CATSPER4: variants seen among roughly 807,000 people sequenced by gnomAD.
The protein encoded by CATSPER4 is cation channel sperm-associated protein 4.
CATSPER4 carries 46 observed loss-of-function variants against 54.4 expected under a neutral mutation model. The observed-to-expected ratio is 0.84, with a 90% CI of 0.67 to 1.08. CATSPER4 has a LOEUF of 1.08. Among genes scored for constraint, CATSPER4 ranks in the 50% least tolerant of loss-of-function variants. The pLI is 0.00. For missense variants in CATSPER4, 574 were observed against 612.8 expected (o/e 0.94, Z 0.67); for synonymous variants, 230 against 231.9 (o/e 0.99, Z 0.08).
At chr1:26,192,407 T>C (rs2088880862) in intron 2 of CATSPER4, among the ~76,000 whole-genome samples, 1 of 151,972 alleles carries the variant, frequency 6.6e-6, no homozygotes, top group Non-Finnish European at 1.5e-5. Flanking sequence ...CTGGCCAACA[T>C]GGTGAAACCC....
rs201434041 is a variant in CATSPER4, at chr1:26,190,660, A to G, written c.33A>G (p.Gln11=). 43 of 1,608,112 alleles carry G rather than the reference A, an allele frequency of 2.7e-5. No homozygotes were observed. Among genetic ancestry groups the G allele is most frequent in the Non-Finnish European group, 3.4e-5 (40 of 1,179,856 alleles). The change falls in exon 1 of 10, where the codon CAA becomes CAG. Residue 11 remains glutamine, a synonymous_variant. Coordinates refer to ENST00000456354, the MANE Select transcript of CATSPER4 (RefSeq NM_198137.2). MRDNEKAWWQ[Q]WTSHTGLEGW... ...ATAATGAAAAGGCCTGGTGGCAGCA[A>G]TGGACCTCCCATACAGGCCTCGAGG...
In CATSPER4 at chr1:26,191,369, C is replaced by G. The variant is rs753943049; in HGVS notation, c.296C>G (p.Ala99Gly). The G allele has an allele frequency of 2.5e-6, 4 of 1,614,180 alleles. No homozygotes were observed. Among genetic ancestry groups the G allele is most frequent in the Non-Finnish European group, 3.4e-6 (4 of 1,180,014 alleles). Reference protein sequence around the residue: ...LRHPAFQLLLALLLVINAITI... With the variant: ...LRHPAFQLLLGLLLVINAITI... ...CACCCCGCCTTCCAACTGCTGCTGG[C>G]CCTGCTGCTGGTGATCAATGCCATC... The change falls in exon 2 of 10, where the codon GCC becomes GGC. Residue 99 changes from alanine (A) to glycine (G), a missense_variant. Ala to Gly is a moderately conservative substitution (Grantham distance 60). Transcript: ENST00000456354.
In CATSPER4 at chr1:26,190,856, G is replaced by A. The variant is rs964530317; in HGVS notation, c.213+16G>A. The A allele has an allele frequency of 5.7e-6, 9 of 1,586,056 alleles. No homozygotes were observed. Among genetic ancestry groups the A allele is most frequent in the African/African-American group, 1.3e-5 (1 of 74,438 alleles). On this transcript the variant is annotated intron_variant, in intron 1 of 9. Coordinates refer to ENST00000456354, the MANE Select transcript of CATSPER4 (RefSeq NM_198137.2). ...GAACAAAGCGGTAAGGATAGCTCTCGCCCCACAGTGGCCCCTTCTGCAGCT... is the reference window on the plus strand; with the variant it reads ...GAACAAAGCGGTAAGGATAGCTCTCACCCCACAGTGGCCCCTTCTGCAGCT...
Position 26,201,363 on chromosome 1 carries a change from G to T in CATSPER4, c.1209G>T (p.Glu403Asp). Residue 403 changes from glutamate to aspartate, a missense_variant, in exon 9 of 10, where the codon GAG becomes GAT. By Grantham distance (45) the Glu-to-Asp change is conservative. Coordinates refer to ENST00000456354, the MANE Select transcript of CATSPER4 (RefSeq NM_198137.2). ...EIRDELNMIVEEVRAIRFNQE... is the reference protein window; with the variant it reads ...EIRDELNMIVDEVRAIRFNQE... ...ACTGCTCCACCCCCAGGATTGTGGA[G>T]GAGGTGCGCGCAATCCGCTTCAACC... 6.2e-7 allele frequency: 1 copy of T among 1,614,070 alleles called. No homozygotes were observed. The highest frequency in any genetic ancestry group is 8.5e-7 in the Non-Finnish European group (1 of 1,180,004).
At chr1:26,201,148 G>C (rs553129973) in intron 8 of CATSPER4, 107 bp downstream of exon 8, 1 of 1,066,840 alleles carries the variant, frequency 9.4e-7, no homozygotes, top group Admixed American at 1.9e-5. Flanking sequence ...CAGAGCCTGG[G>C]CCCCACAGAG....
chr1:26,200,864 T>G lies in CATSPER4; in HGVS notation c.1022T>G (p.Leu341Arg). 1 of 1,614,114 alleles carries G rather than the reference T, an allele frequency of 6.2e-7. No individual in the cohort carries two copies. Among genetic ancestry groups the G allele is most frequent in the Non-Finnish European group, 8.5e-7 (1 of 1,179,968 alleles). ...GAEEEEENDQ[L>R]PLVHCVVARS... ...GAGGAAGAGGAGGAGAATGACCAGC[T>G]GCCACTGGTGCATTGTGTGGTCGCC... Residue 341 changes from leucine (L) to arginine (R), a missense_variant, in exon 8 of 10, where the codon CTG becomes CGG. Coordinates refer to ENST00000456354, the MANE Select transcript of CATSPER4 (RefSeq NM_198137.2).
intron 3 of CATSPER4, among the ~76,000 whole-genome samples, chr1:26,194,174 A>G (rs2088906787): frequency 6.6e-6 from 1 of 152,176 alleles, no homozygotes; most frequent in African/African-American, 2.4e-5. Flanking sequence ...ATCTACCTTA[A>G]TTTACAGAGA....
At chr1:26,191,880 A>G (rs1356486672) in intron 2 of CATSPER4, among the ~76,000 whole-genome samples, 1 of 152,176 alleles carries the variant, frequency 6.6e-6, no homozygotes, top group African/African-American at 2.4e-5. Flanking sequence ...TGGAGGCTCA[A>G]CGAAGGCACT....
intron 1 of CATSPER4, 142 bp downstream of exon 1, chr1:26,190,982 G>T: frequency 2.5e-6 from 2 of 801,006 alleles, no homozygotes; most frequent in East Asian, 2.7e-5. Context: ...GACTGCCCAT[G>T]ATATGTTAGT....
intron 6 of CATSPER4, 102 bp downstream of exon 6, chr1:26,198,521 GGCC>G: frequency 1.3e-6 from 2 of 1,487,738 alleles, no homozygotes; most frequent in Non-Finnish European, 1.9e-6. Context: ...GGATGAGGAT[GGCC>G]CAGTAGAAGT....
intron 3 of CATSPER4, among the ~76,000 whole-genome samples, chr1:26,195,703 C>A (rs1261111669): frequency 6.6e-6 from 1 of 151,996 alleles, no homozygotes; most frequent in African/African-American, 2.4e-5. Context: ...GGGGTCTCAC[C>A]GTGTTAGCCA....
At position 26,201,457 on chromosome 1, in the gene CATSPER4, A is replaced by G; in HGVS notation, c.1303A>G (p.Lys435Glu). 6.2e-7 allele frequency: 1 copy of G among 1,614,068 alleles called. No individual in the cohort carries two copies. Among genetic ancestry groups the G allele is most frequent in the Non-Finnish European group, 8.5e-7 (1 of 1,179,940 alleles). Residue 435 changes from lysine to glutamate, a missense_variant, in exon 9 of 10, where the codon AAG (lysine) becomes GAG (glutamate). Transcript: ENST00000456354. ...CGGGTCGTTGGAGACTACGTCATCC[A>G]AGGACATCCGCCAGATGTCTCAACA... ...TSGSLETTSS[K>E]DIRQMSQQQD... is the part of the protein sequence containing the mutation.
intron 6 of CATSPER4, among the ~76,000 whole-genome samples, chr1:26,198,632 A>C (rs143240629): frequency 4.5e-4 from 69 of 152,326 alleles, no homozygotes; most frequent in African/African-American, 1.5e-3. Context: ...TCAGAGTCCC[A>C]TTCCCACCCT....
intron 6 of CATSPER4, among the ~76,000 whole-genome samples, chr1:26,199,182 A>G (rs2088977678): frequency 6.6e-6 from 1 of 152,164 alleles, no homozygotes; most frequent in Non-Finnish European, 1.5e-5. Flanking sequence ...TCACACCTGT[A>G]ATCCCAGCAC....
chr1:26,199,598 C>CAAA (rs561742837), intron 6 of CATSPER4, among the ~76,000 whole-genome samples: 2 of 113,850 alleles, frequency 1.8e-5, no homozygotes, highest in South Asian at 2.8e-4. Flanking sequence ...GACTCCATCT[C>CAAA]AAAAAAAAAA....
Position 26,197,734 on chromosome 1 carries a change from C to G in CATSPER4, c.508C>G (p.Arg170Gly), listed in dbSNP as rs144083626. 1.4e-5 allele frequency: 22 copies of G among 1,613,904 alleles called. No individual in the cohort carries two copies. The highest frequency in any genetic ancestry group is 1.6e-5 in the Non-Finnish European group (19 of 1,179,960). ...CATTATCGTCTTTATCTTGCTCTTG[C>G]GGTTCTTCATTAATGAAATCAATAT... ...NFIIVFILLL[R>G]FFINEINIPS... The change falls in exon 4 of 10, where the codon CGG (arginine) becomes GGG (glycine). Residue 170 changes from arginine to glycine, a missense_variant. Physicochemically the swap from Arg to Gly is moderately radical, Grantham distance 125 (BLOSUM62 -2). Transcript: ENST00000456354.
rs748751122 is a variant in CATSPER4 at position 26,191,469 on chromosome 1, T to TGG, written c.357+44_357+45dup. 7 of 1,607,902 alleles carry TGG rather than the reference T, an allele frequency of 4.4e-6. No homozygotes were observed. In the Admixed American group the frequency reaches 1.2e-4, roughly 27 times the overall value. ...ATGACCTCTGCCCCACTAACCCTAA[T>TGG]GGGGGGCCTGGGGCAAGAACTCTTC... On this transcript the variant is annotated intron_variant, in intron 2 of 9. Transcript: ENST00000456354.
In CATSPER4 at chr1:26,199,903, G is replaced by T; in HGVS notation, c.832G>T (p.Ala278Ser). 1 of 1,614,172 alleles carries T rather than the reference G, an allele frequency of 6.2e-7. No individual in the cohort carries two copies. The highest frequency in any genetic ancestry group is 2.2e-5 in the East Asian group (1 of 44,892). The change falls in exon 7 of 10, where the codon GCA becomes TCA. Residue 278 changes from alanine (A) to serine (S), a missense_variant. Ala to Ser is a moderately conservative substitution (Grantham distance 99, BLOSUM62 1). Transcript: ENST00000456354. ...CTGCAGGACAGAGAAGAGGGAATAT[G>T]CAATGGAGATTGGGGGTGCCATCTA... ...SDFQTEKREYAMEIGGAIYFT... is the reference protein window; with the variant it reads ...SDFQTEKREYSMEIGGAIYFT...
intron 8 of CATSPER4, 138 bp from the exon 9 acceptor site, chr1:26,201,216 A>T: frequency 2.9e-6 from 3 of 1,030,090 alleles, no homozygotes; most frequent in Non-Finnish European, 4.4e-6. Context: ...CTTCCATCTC[A>T]CACAAGGGCA....
Sources: gnomAD v4.1 joint callset for allele counts (sites outside exome capture counted in the v4.1 genomes callset) on GRCh38, gnomAD v4.1.1 for gene constraint, MANE v1.5 for transcripts, NCBI Gene and HGNC (gene_info 2026-07-23, HGNC 2026-07-21) for gene names.